The following AJAP1 variants were observed in gnomAD, a reference collection of about 807,000 sequenced individuals.
AJAP1 encodes the protein adherens junctions associated protein 1, also known as adherens junction-associated protein 1.
In AJAP1, 5 loss-of-function variants were observed where a neutral mutation model predicts 35.0. That is an observed-to-expected ratio of 0.14 (90% CI 0.07 to 0.30). AJAP1 has a LOEUF of 0.30. Among genes scored for constraint, AJAP1 ranks in the 10% least tolerant of loss-of-function variants. The pLI, the probability that AJAP1 is intolerant of heterozygous loss-of-function variation, is 1.00. For synonymous variants in AJAP1, 284 were observed against 249.3 expected (o/e 1.14, Z -1.31); for missense variants, 586 against 571.0 (o/e 1.03, Z -0.27).
chr1:4,765,632 T>A (rs1641667559), intron 2 of AJAP1, among the ~76,000 whole-genome samples: 1 of 152,242 alleles, frequency 6.6e-6, no homozygotes, highest in African/African-American at 2.4e-5. Context: ...AATCTGAACA[T>A]TCTTGTGTTT....
In AJAP1 at chr1:4,692,364, A is replaced by T. The variant is rs1639761194; in HGVS notation, c.30-19536A>T. ...GCAGCCCTTTCCCTTCTGGCCTCTCAGCCTGCAGGAGAGGCTGGGGGGCAC... is the reference window on the plus strand; with the variant it reads ...GCAGCCCTTTCCCTTCTGGCCTCTCTGCCTGCAGGAGAGGCTGGGGGGCAC... On this transcript the variant is annotated intron_variant, in intron 1 of 5. Transcript: ENST00000378191. The surrounding 1 kb of genome is among the most constrained non-coding windows in gnomAD (Gnocchi z 4.4). Among the ~76,000 whole-genome samples, 3 of 152,020 alleles carry T rather than the reference A, an allele frequency of 2.0e-5. No homozygotes were observed. Among genetic ancestry groups the T allele is most frequent in the Admixed American group, 2.0e-4 (3 of 15,268 alleles).
At chr1:4,674,735 G>T (rs903317108) in intron 1 of AJAP1, among the ~76,000 whole-genome samples, 1 of 152,196 alleles carries the variant, frequency 6.6e-6, no homozygotes, top group Non-Finnish European at 1.5e-5. Flanking sequence ...TTCTCTGAGG[G>T]ATCGGTCGGG....
intron 1 of AJAP1, 134 bp from the exon 2 acceptor site, chr1:4,711,766 G>A (rs2100265138): frequency 3.0e-6 from 2 of 662,050 alleles, no homozygotes; most frequent in South Asian, 3.0e-5. Context: ...ATTCCCTTTT[G>A]AAGTTAGGAG....
rs1479714779 is a variant in AJAP1, at chr1:4,787,936, T to C, written c.*5451T>C. 2 of 333,150 alleles carry C rather than the reference T, an allele frequency of 6.0e-6. No homozygotes were observed. Among genetic ancestry groups the C allele is most frequent in the Non-Finnish European group, 1.2e-5 (2 of 165,800 alleles). The allele number at this position is 333,150 out of a possible 1,614,324, so 20.6% of individuals were successfully genotyped here. A position where few individuals can be genotyped will look rare whatever the true frequency, so the allele number is the denominator to read the frequency against. On this transcript the variant is annotated 3_prime_UTR_variant, in exon 6 of 6. Transcript: ENST00000378191. ...CAGCTATTCCAAAACATGCCGTGAT[T>C]CATGTAATTTTTGAGTGGTTACTTT... is the stretch of plus-strand genomic sequence containing the variant.
chr1:4,781,423 T>C (rs1015393162), intron 5 of AJAP1, among the ~76,000 whole-genome samples: 1 of 152,198 alleles, frequency 6.6e-6, no homozygotes, highest in Non-Finnish European at 1.5e-5. Flanking sequence ...CCTGGGAATC[T>C]GTATTTCTGC....
At chr1:4,736,804 G>T (rs915034318) in intron 2 of AJAP1, among the ~76,000 whole-genome samples, 2 of 152,164 alleles carry the variant, frequency 1.3e-5, no homozygotes, top group African/African-American at 4.8e-5. Context: ...GAACGTGCGG[G>T]GGCCGCTGGT....
intron 1 of AJAP1, among the ~76,000 whole-genome samples, chr1:4,661,101 C>T (rs1466842534): frequency 6.6e-6 from 1 of 152,192 alleles, no homozygotes; most frequent in African/African-American, 2.4e-5. Context: ...CTTATCACCT[C>T]ATTTGGGGCT....
intron 2 of AJAP1, among the ~76,000 whole-genome samples, chr1:4,735,501 G>A (rs1198479421): frequency 6.6e-6 from 1 of 152,192 alleles, no homozygotes; most frequent in East Asian, 1.9e-4. Context: ...CACCGGGTGG[G>A]CAGCTTTATT....
chr1:4,737,388 T>C (rs1056489942), intron 2 of AJAP1, among the ~76,000 whole-genome samples: 5 of 151,864 alleles, frequency 3.3e-5, no homozygotes, highest in African/African-American at 1.2e-4. Flanking sequence ...CCGGCAAGGA[T>C]GGGGACCTGT....
intron 2 of AJAP1, among the ~76,000 whole-genome samples, chr1:4,731,209 T>C (rs1397408850): frequency 6.6e-6 from 1 of 152,048 alleles, no homozygotes; most frequent in Non-Finnish European, 1.5e-5. Flanking sequence ...GCCTCCTGAG[T>C]AGCTGGGATT....
Position 4,791,303 on chromosome 1 carries a change from A to C in AJAP1, c.*8818A>C, listed in dbSNP as rs1217027623. 6.6e-6 allele frequency: 1 copy of C among 152,218 alleles called. No homozygotes were observed. Among genetic ancestry groups the C allele is most frequent in the African/African-American group, 2.4e-5 (1 of 41,458 alleles). The allele number at this position is 152,218 out of a possible 1,614,324, so 9.4% of individuals were successfully genotyped here. ...GAATGAAGCTTGAGGCCATGCATTG[A>C]TAACATTTTTAGAGTCTGTTACATT... On this transcript the variant is annotated 3_prime_UTR_variant, in exon 6 of 6. Coordinates refer to ENST00000378191, the MANE Select transcript of AJAP1 (RefSeq NM_018836.4).
chr1:4,756,162 A>G (rs1424113018), intron 2 of AJAP1, among the ~76,000 whole-genome samples: 1 of 152,202 alleles, frequency 6.6e-6, no homozygotes, highest in Non-Finnish European at 1.5e-5. Context: ...TGGCAGCTGC[A>G]TCAGTGAGCA....
At chr1:4,745,989 G>T (rs911994184) in intron 2 of AJAP1, among the ~76,000 whole-genome samples, 3 of 152,232 alleles carry the variant, frequency 2.0e-5, no homozygotes, top group Non-Finnish European at 4.4e-5. Context: ...TGAAGCCAAT[G>T]GCATTGGTTT....
intron 1 of AJAP1, among the ~76,000 whole-genome samples, chr1:4,659,483 C>G (rs72857927): frequency 6.6e-6 from 1 of 152,044 alleles, no homozygotes; most frequent in African/African-American, 2.4e-5. Context: ...CATGAGGCCT[C>G]GGAGCAGGGA....
chr1:4,732,009 G>C (rs1640807871), intron 2 of AJAP1, among the ~76,000 whole-genome samples: 1 of 152,256 alleles, frequency 6.6e-6, no homozygotes, highest in African/African-American at 2.4e-5. Context: ...AGAGTAGGGA[G>C]GCGGGAGCCT....
intron 2 of AJAP1, among the ~76,000 whole-genome samples, chr1:4,721,641 T>C (rs1214898247): frequency 6.6e-6 from 1 of 152,112 alleles, no homozygotes; most frequent in Non-Finnish European, 1.5e-5. Flanking sequence ...GTGCTGTCTA[T>C]GGCAGGGAGG....
At chr1:4,757,848 G>T (rs1283909949) in intron 2 of AJAP1, among the ~76,000 whole-genome samples, 1 of 152,154 alleles carries the variant, frequency 6.6e-6, no homozygotes, top group Non-Finnish European at 1.5e-5. Context: ...CTTGAGGCAA[G>T]GTGTGTGATA....
intron 1 of AJAP1, among the ~76,000 whole-genome samples, chr1:4,686,643 C>T (rs917439924): frequency 2.0e-5 from 3 of 152,212 alleles, no homozygotes; most frequent in African/African-American, 7.2e-5. Flanking sequence ...GAATTCATTT[C>T]TCACTGTTAC....
At chr1:4,702,818 G>T (rs888565160) in intron 1 of AJAP1, among the ~76,000 whole-genome samples, 2 of 152,144 alleles carry the variant, frequency 1.3e-5, no homozygotes, top group Non-Finnish European at 2.9e-5. Context: ...GGGAAGCTTC[G>T]TGGGCCTTGA....
Sources: gnomAD v4.1 joint callset for allele counts (sites outside exome capture counted in the v4.1 genomes callset) on GRCh38, gnomAD v4.1.1 for gene constraint, Gnocchi (gnomAD v3.1) non-coding constraint, MANE v1.5 for transcripts, NCBI Gene and HGNC (gene_info 2026-07-23, HGNC 2026-07-21) for gene names.